The following BCKDHA variants were observed in gnomAD, a reference collection of about 807,000 sequenced individuals.
The protein encoded by BCKDHA is branched chain keto acid dehydrogenase E1 subunit alpha, also known as 2-oxoisovalerate dehydrogenase subunit alpha, mitochondrial.
Under a neutral mutation model 52.2 loss-of-function variants are expected in BCKDHA, and 43 were observed. That is an observed-to-expected ratio of 0.82 (90% CI 0.64 to 1.06). The LOEUF is 1.06. BCKDHA is among the 50% of genes least tolerant of loss of function. The probability of loss-of-function intolerance (pLI) is 0.00; values close to 1 mark genes in which losing one functional copy is unlikely to be tolerated. For synonymous variants in BCKDHA, 234 were observed against 247.9 expected (o/e 0.94, Z 0.53); for missense variants, 527 against 621.3 (o/e 0.85, Z 1.61).
intron 1 of BCKDHA, among the ~76,000 whole-genome samples, chr19:41,409,106 C>T (rs1382337555): frequency 2.0e-5 from 3 of 152,064 alleles, no homozygotes; most frequent in South Asian, 2.1e-4. Flanking sequence ...TGCGCAACCA[C>T]GCCCAGCTAA....
At chr19:41,398,714 T>C (rs2039104099) in intron 1 of BCKDHA, among the ~76,000 whole-genome samples, 1 of 152,196 alleles carries the variant, frequency 6.6e-6, no homozygotes, top group African/African-American at 2.4e-5. Flanking sequence ...AGCCTATCTT[T>C]AGACGGGGAG....
intron 2 of BCKDHA, 40 bp downstream of exon 2, chr19:41,410,856 C>G (rs780103142): frequency 5.6e-6 from 9 of 1,613,646 alleles, no homozygotes; most frequent in Admixed American, 5.0e-5. Flanking sequence ...CCCCCCACGC[C>G]CAGGCCCCTT....
chr19:41,423,001 C>T lies in BCKDHA; in HGVS notation c.999C>T (p.Ile333=), dbSNP rs374450070. 41 of 1,608,800 alleles carry T rather than the reference C, an allele frequency of 2.5e-5. No homozygotes were observed. Among genetic ancestry groups the T allele is most frequent in the Admixed American group, 2.5e-4 (15 of 59,302 alleles). ...GGGGCCCCTTGCCCCTGTGCAGGAT[C>T]GGGCACCACAGCACCAGTGACGACA... ...PFLIEAMTYR[I]GHHSTSDDSS... The change falls in exon 8 of 9, where the codon ATC becomes ATT. Residue 333 remains isoleucine (I), a synonymous_variant. Transcript: ENST00000269980.
chr19:41,424,750 A>G lies in BCKDHA; in HGVS notation c.*142A>G, dbSNP rs767292317. ...ATACTCAGCGGCCAGGGCGGCTGCCACTCTTCACCCCTGCTCCTCCCGGCT... is the reference window on the plus strand; with the variant it reads ...ATACTCAGCGGCCAGGGCGGCTGCCGCTCTTCACCCCTGCTCCTCCCGGCT... On this transcript the variant is annotated 3_prime_UTR_variant, in exon 9 of 9. Transcript: ENST00000269980. 1.1e-6 allele frequency: 1 copy of G among 896,892 alleles called. No individual in the cohort carries two copies. The highest frequency in any genetic ancestry group is 1.6e-6 in the Non-Finnish European group (1 of 611,192). The allele number at this position is 896,892 out of a possible 1,614,324, so 55.6% of individuals were successfully genotyped here. A position where few individuals can be genotyped will look rare whatever the true frequency, so the allele number is the denominator to read the frequency against.
At chr19:41,411,284 T>G (rs2039251376) in intron 3 of BCKDHA, among the ~76,000 whole-genome samples, 1 of 152,118 alleles carries the variant, frequency 6.6e-6, no homozygotes. Flanking sequence ...CTGACAGCCC[T>G]TCCTCTTGGA....
intron 4 of BCKDHA, among the ~76,000 whole-genome samples, chr19:41,416,278 C>T (rs984583137): frequency 3.9e-5 from 6 of 152,176 alleles, no homozygotes; most frequent in African/African-American, 1.2e-4. Context: ...TCTTTAGCCT[C>T]GGAGACTGTC....
chr19:41,416,597 G>C (rs1326075187), intron 4 of BCKDHA, among the ~76,000 whole-genome samples: 1 of 152,184 alleles, frequency 6.6e-6, no homozygotes, highest in Non-Finnish European at 1.5e-5. Flanking sequence ...GCACTGGCAG[G>C]GAGTGGCGCC....
At chr19:41,414,924 T>C (rs907022031) in intron 4 of BCKDHA, among the ~76,000 whole-genome samples, 1 of 152,154 alleles carries the variant, frequency 6.6e-6, no homozygotes, top group African/African-American at 2.4e-5. Flanking sequence ...CTCTGTTTCC[T>C]CATTCGTAAG....
chr19:41,416,327 G>A (rs1350467057), intron 4 of BCKDHA, among the ~76,000 whole-genome samples: 1 of 152,212 alleles, frequency 6.6e-6, no homozygotes, highest in Admixed American at 6.5e-5. Flanking sequence ...GGCACACCGG[G>A]TGAGGTTAGG....
intron 1 of BCKDHA, among the ~76,000 whole-genome samples, chr19:41,407,059 CAGTT>C (rs1297477252): frequency 6.6e-6 from 1 of 152,186 alleles, no homozygotes; most frequent in Non-Finnish European, 1.5e-5. Flanking sequence ...CTTTAAGGTG[CAGTT>C]AGTTCTTCCC....
intron 5 of BCKDHA, among the ~76,000 whole-genome samples, 155 bp downstream of exon 5, chr19:41,419,451 T>C (rs1452649851): frequency 6.6e-6 from 1 of 152,196 alleles, no homozygotes; most frequent in Non-Finnish European, 1.5e-5. Context: ...TCTTATTTTT[T>C]TCTTTTTTGA....
intron 3 of BCKDHA, among the ~76,000 whole-genome samples, chr19:41,413,660 A>G (rs1053065121): frequency 3.3e-5 from 5 of 152,168 alleles, no homozygotes; most frequent in South Asian, 2.1e-4. Flanking sequence ...TCCCTTTGTT[A>G]TCTGGGTGCC....
chr19:41,407,118 C>T (rs978476303), intron 1 of BCKDHA, among the ~76,000 whole-genome samples: 2 of 152,206 alleles, frequency 1.3e-5, no homozygotes, highest in African/African-American at 4.8e-5. Context: ...ACTTCCCTTT[C>T]TCCCACTTCT....
intron 1 of BCKDHA, 93 bp downstream of exon 1, chr19:41,398,028 A>G (rs1421174082): frequency 9.3e-7 from 1 of 1,080,866 alleles, no homozygotes; most frequent in African/African-American, 1.6e-5. Flanking sequence ...ATATGAAGGA[A>G]GGGCTGTCAC....
intron 1 of BCKDHA, among the ~76,000 whole-genome samples, chr19:41,407,095 A>G (rs2039201770): frequency 1.3e-5 from 2 of 152,204 alleles, no homozygotes; most frequent in South Asian, 4.1e-4. Context: ...TCCCTATCTC[A>G]TACAGTGTAG....
rs1318475805 is a variant in BCKDHA, at chr19:41,407,363, G to A, written c.109-3274G>A. On this transcript the variant is annotated intron_variant, in intron 1 of 8. Transcript: ENST00000269980. ...AACTCCAGAGCCAGGGAACTTAACA[G>A]CCCATTCATGCATTCACTCAGGAAT... 3.3e-5 allele frequency among the ~76,000 whole-genome samples: 5 copies of A among 152,284 alleles called. No homozygotes were observed. In the South Asian group the frequency reaches 1.0e-3, roughly 32 times the overall value.
intron 1 of BCKDHA, among the ~76,000 whole-genome samples, chr19:41,403,160 C>A (rs1467732256): frequency 1.3e-4 from 20 of 152,300 alleles, no homozygotes; most frequent in African/African-American, 4.6e-4. Context: ...AATCTGCACG[C>A]CTTTCCCTTC....
At chr19:41,410,514 G>T in intron 1 of BCKDHA, 123 bp from the exon 2 acceptor site, 1 of 1,086,554 alleles carries the variant, frequency 9.2e-7, no homozygotes, top group Non-Finnish European at 1.4e-6. Flanking sequence ...TGTGAGTCAG[G>T]CCCCAGAGTT....
intron 1 of BCKDHA, among the ~76,000 whole-genome samples, chr19:41,409,798 ATTTTTTT>A (rs10565264): frequency 9.2e-6 from 1 of 109,158 alleles, no homozygotes; most frequent in Non-Finnish European, 1.9e-5. Context: ...CCTCTAAGGG[ATTTTTTT>A]TTTTTTTTTT....
Sources: allele counts gnomAD v4.1 joint callset (sites outside exome capture counted in the v4.1 genomes callset), GRCh38; gene constraint gnomAD v4.1.1; transcripts MANE v1.5; gene names NCBI Gene and HGNC (gene_info 2026-07-23, HGNC 2026-07-21).